GHR: variants seen among roughly 807,000 people sequenced by gnomAD.
The protein encoded by GHR is GH receptor.
A neutral mutation model predicts 67.1 loss-of-function variants in GHR; 35 were observed. The ratio of observed to expected loss-of-function variants is 0.52; its 90% CI spans 0.40 to 0.69. The LOEUF (loss-of-function observed/expected upper bound fraction) is 0.69, where lower values mean the gene tolerates loss of function less well. Among genes scored for constraint, GHR ranks in the 30% least tolerant of loss-of-function variants. The probability of loss-of-function intolerance (pLI) is 0.00; values close to 1 mark genes in which losing one functional copy is unlikely to be tolerated. For synonymous variants in GHR, 272 were observed against 269.1 expected, an observed-to-expected ratio of 1.01 and a Z score of -0.10; for missense variants, 792 against 764.6, an observed-to-expected ratio of 1.04 and a Z score of -0.42.
At chr5:42,657,435 A>G (rs1358847578) in intron 3 of GHR, among the ~76,000 whole-genome samples, 2 of 152,266 alleles carry the variant, frequency 1.3e-5, no homozygotes, top group Non-Finnish European at 2.9e-5. Flanking sequence ...CTAAGTGGCC[A>G]TCTATCCTTT....
intron 3 of GHR, among the ~76,000 whole-genome samples, chr5:42,630,277 G>A (rs917484620): frequency 7.6e-6 from 1 of 131,908 alleles, no homozygotes; most frequent in Admixed American, 7.3e-5. Flanking sequence ...CTGATCCATA[G>A]TAGTAGGTAC....
intron 1 of GHR, among the ~76,000 whole-genome samples, chr5:42,461,706 G>T (rs773371062): frequency 6.6e-6 from 1 of 152,188 alleles, no homozygotes; most frequent in Non-Finnish European, 1.5e-5. Context: ...TTGGCAGCCA[G>T]TTGTGTTTTG....
At chr5:42,686,277 C>A (rs924212340) in intron 3 of GHR, among the ~76,000 whole-genome samples, 2 of 152,078 alleles carry the variant, frequency 1.3e-5, no homozygotes, top group African/African-American at 4.8e-5. Flanking sequence ...TTTCTGAGGC[C>A]TCTGTTCTGT....
chr5:42,526,641 T>C (rs1747717510), intron 1 of GHR, among the ~76,000 whole-genome samples: 3 of 152,182 alleles, frequency 2.0e-5, no homozygotes, highest in South Asian at 2.1e-4. Context: ...GATCCTTTTT[T>C]TATGAGTTGA....
At chr5:42,497,571 T>C (rs1186584393) in intron 1 of GHR, among the ~76,000 whole-genome samples, 1 of 152,194 alleles carries the variant, frequency 6.6e-6, no homozygotes. Flanking sequence ...GCCATACCCA[T>C]TCATTTACAT....
chr5:42,582,801 A>G (rs1481832307), intron 2 of GHR, among the ~76,000 whole-genome samples: 1 of 152,178 alleles, frequency 6.6e-6, no homozygotes, highest in African/African-American at 2.4e-5. Flanking sequence ...CCCACGGTGG[A>G]AGCCATTTGC....
chr5:42,476,503 G>T (rs1035268420), intron 1 of GHR, among the ~76,000 whole-genome samples: 7 of 152,324 alleles, frequency 4.6e-5, no homozygotes, highest in African/African-American at 1.7e-4. Context: ...ACAGGCGTGA[G>T]CCACTGCACC....
intron 2 of GHR, among the ~76,000 whole-genome samples, chr5:42,620,073 T>C (rs1486070515): frequency 6.6e-6 from 1 of 152,134 alleles, no homozygotes; most frequent in Non-Finnish European, 1.5e-5. Context: ...TTATTTTTAT[T>C]ATTTTTTCCC....
intron 3 of GHR, among the ~76,000 whole-genome samples, chr5:42,637,008 C>A (rs1754228050): frequency 6.6e-6 from 1 of 152,150 alleles, no homozygotes; most frequent in South Asian, 2.1e-4. Flanking sequence ...GCATATAATT[C>A]ACAATATCTG....
rs539485495 is a variant in GHR, at chr5:42,617,888, C to T, written c.71-11150C>T. On this transcript the variant is annotated intron_variant, in intron 2 of 9. Transcript: ENST00000230882. ...TTCTAGACTTTTAAGGCATTGCCTG[C>T]CCTATAGCTATGAAACTTTTCTTTT... is the stretch of plus-strand genomic sequence containing the variant. Among the ~76,000 whole-genome samples the T allele has an allele frequency of 2.0e-5, 3 of 152,230 alleles. No individual in the cohort carries two copies. In the East Asian group the frequency reaches 5.8e-4, roughly 29 times the overall value.
chr5:42,496,521 T>G (rs1418228391), intron 1 of GHR, among the ~76,000 whole-genome samples: 2 of 152,122 alleles, frequency 1.3e-5, no homozygotes, highest in Non-Finnish European at 2.9e-5. Context: ...ATCCAGGCAC[T>G]GTGTTGTGGG....
At chr5:42,463,306 C>G (rs994255111) in intron 1 of GHR, among the ~76,000 whole-genome samples, 1 of 152,152 alleles carries the variant, frequency 6.6e-6, no homozygotes. Flanking sequence ...GTCAATGATA[C>G]GACTTCAGGG....
chr5:42,532,300 A>G (rs1339919185), intron 1 of GHR, among the ~76,000 whole-genome samples: 1 of 152,108 alleles, frequency 6.6e-6, no homozygotes, highest in Non-Finnish European at 1.5e-5. Flanking sequence ...GGGACTTGTT[A>G]TGTTTAACTC....
rs546479233 is a variant in GHR at position 42,496,388 on chromosome 5, T to A, written c.-11-69476T>A. On this transcript the variant is annotated intron_variant, in intron 1 of 9. Transcript: ENST00000230882. ...AGCAAATTGGAGCAATTTTTTTTTT[T>A]AAATCTTGGTGCAGCGTTAGTGATA... 3.9e-5 allele frequency among the ~76,000 whole-genome samples: 6 copies of A among 152,142 alleles called. No individual in the cohort carries two copies. The East Asian group carries it at 5.8e-4, about 15-fold the overall frequency.
At chr5:42,447,652 CCTT>C (rs966126124) in intron 1 of GHR, among the ~76,000 whole-genome samples, 2 of 150,914 alleles carry the variant, frequency 1.3e-5, no homozygotes, top group Non-Finnish European at 3.0e-5. Context: ...TTCCTTCCTT[CCTT>C]CTTTTCTTCT....
chr5:42,604,311 G>T (rs989059595), intron 2 of GHR, among the ~76,000 whole-genome samples: 6 of 152,216 alleles, frequency 3.9e-5, no homozygotes, highest in Non-Finnish European at 7.3e-5. Context: ...TGGACAAAAA[G>T]AGTATTAGCT....
intron 1 of GHR, among the ~76,000 whole-genome samples, chr5:42,446,181 G>C (rs867829405): frequency 1.3e-5 from 2 of 152,284 alleles, no homozygotes; most frequent in Middle Eastern, 6.8e-3. Flanking sequence ...AGATAAAACT[G>C]CACTCATAAT....
intron 3 of GHR, among the ~76,000 whole-genome samples, chr5:42,662,519 A>T (rs367866535): frequency 6.6e-6 from 1 of 152,176 alleles, no homozygotes; most frequent in Non-Finnish European, 1.5e-5. Context: ...GGTACATAAC[A>T]AAATGAAGGC....
intron 1 of GHR, among the ~76,000 whole-genome samples, chr5:42,457,806 C>T (rs1459522919): frequency 1.3e-5 from 2 of 152,234 alleles, no homozygotes; most frequent in African/African-American, 4.8e-5. Flanking sequence ...TGACTTTATC[C>T]TAGCCTATTT....
Sources: gnomAD v4.1 joint callset for allele counts (sites outside exome capture counted in the v4.1 genomes callset) on GRCh38, gnomAD v4.1.1 for gene constraint, MANE v1.5 for transcripts, NCBI Gene and HGNC (gene_info 2026-07-23, HGNC 2026-07-21) for gene names.